MSL2: variants seen among roughly 807,000 people sequenced by gnomAD.
MSL2 encodes MSL complex subunit 2, also known as E3 ubiquitin-protein ligase MSL2.
A neutral mutation model predicts 35.8 loss-of-function variants in MSL2; 2 were observed. The observed-to-expected ratio is 0.06, with a 90% confidence interval of 0.02 to 0.18. The LOEUF (loss-of-function observed/expected upper bound fraction) is 0.18, where lower values mean the gene tolerates loss of function less well. Ranked by LOEUF, MSL2 falls within the 10% of genes least tolerant of loss-of-function variation. The pLI is 1.00. For missense variants in MSL2, 523 were observed against 706.7 expected (o/e 0.74, Z 2.95); for synonymous variants, 296 against 255.7 (o/e 1.16, Z -1.50).
rs1378756804 is a variant in MSL2, at chr3:136,152,607, C to T, written c.274G>A (p.Glu92Lys). 1 of 1,614,162 alleles carries T rather than the reference C, an allele frequency of 6.2e-7. No individual in the cohort carries two copies. The highest frequency in any genetic ancestry group is 8.5e-7 in the Non-Finnish European group (1 of 1,180,044). Reference sequence around the variant, plus strand: ...ACTAGGATGCTTAACTGCTTGTTTTCCTCAAACTGCTCATAGTCTTTGCAC... The same window carrying T: ...ACTAGGATGCTTAACTGCTTGTTTTTCTCAAACTGCTCATAGTCTTTGCAC... ...SWCKDYEQFE[E>K]NKQLSILVNC... is the part of the protein sequence containing the mutation. The change falls in exon 2 of 2, where the codon GAA becomes AAA. Residue 92 changes from glutamate to lysine, a missense_variant. By Grantham distance (56) the Glu-to-Lys change is moderately conservative (BLOSUM62 1). Around this residue, in one of 5 missense-constraint regions of MSL2, gnomAD observed 41 missense variants for 83.3 expected, o/e 0.49. Coordinates refer to ENST00000309993, the MANE Select transcript of MSL2 (RefSeq NM_018133.4).
chr3:136,180,804 G>A (rs370029321), intron 1 of MSL2, among the ~76,000 whole-genome samples: 24,670 of 51,088 alleles, frequency 0.48, 4,782 homozygotes, highest in South Asian at 0.52. Flanking sequence ...GAGGGAGGGA[G>A]GGAGGGAAGG....
At position 136,185,142 on chromosome 3, in the gene MSL2, T is replaced by C. The variant is rs543041985; in HGVS notation, c.142+9830A>G. 2.0e-5 allele frequency among the ~76,000 whole-genome samples: 3 copies of C among 152,144 alleles called. No homozygotes were observed. In the East Asian group the frequency reaches 5.8e-4, roughly 29 times the overall value. On this transcript the variant is annotated intron_variant, in intron 1 of 1. Coordinates refer to ENST00000309993, the MANE Select transcript of MSL2 (RefSeq NM_018133.4). ...GGCATGCGCCACCACACCCGGCTTA[T>C]TTTTTGTATTTTTAATAGAGACAAG...
At chr3:136,172,100 C>T (rs1297417883) in intron 1 of MSL2, among the ~76,000 whole-genome samples, 1 of 152,112 alleles carries the variant, frequency 6.6e-6, no homozygotes, top group Middle Eastern at 3.2e-3. Flanking sequence ...CGTGAGCCAC[C>T]GCACCTGGCC....
intron 1 of MSL2, among the ~76,000 whole-genome samples, chr3:136,191,912 C>T (rs1223431842): frequency 6.6e-6 from 1 of 152,182 alleles, no homozygotes; most frequent in African/African-American, 2.4e-5. Flanking sequence ...CAAATTTCAA[C>T]CTAATTGCAA....
At chr3:136,165,865 T>TAA (rs35168710) in intron 1 of MSL2, among the ~76,000 whole-genome samples, 36,144 of 151,664 alleles carry the variant, frequency 0.24, 4,531 homozygotes, top group Non-Finnish European at 0.27. Flanking sequence ...AATTTAAAGT[T>TAA]AAGAGTATAA....
rs1559969269 is a variant in MSL2, at chr3:136,180,800, G to GGAA, written c.142+14171_142+14172insTTC. On this transcript the variant is annotated intron_variant, in intron 1 of 1. Transcript: ENST00000309993. ...AGGGAGGGAGGGAGGGAGGGAGGGA[G>GGAA]GGAGGGAGGGAAGGAGGGAAGGAAG... is the stretch of plus-strand genomic sequence containing the variant. Among the ~76,000 whole-genome samples, 70 of 49,558 alleles carry GGAA rather than the reference G, an allele frequency of 1.4e-3. 2 individuals are homozygous for GGAA. The highest frequency in any genetic ancestry group is 3.1e-3 in the African/African-American group (33 of 10,666). 32.5% of individuals were successfully genotyped at this position (49,558 alleles called of 152,430 possible). A position where few individuals can be genotyped will look rare whatever the true frequency, so the allele number is the denominator to read the frequency against.
At position 136,172,269 on chromosome 3, in the gene MSL2, CCCCGA is replaced by C. The variant is rs377108395; in HGVS notation, c.143-19536_143-19532del. On this transcript the variant is annotated intron_variant, in intron 1 of 1. Coordinates refer to ENST00000309993, the MANE Select transcript of MSL2 (RefSeq NM_018133.4). ...ACCTCTCATCATACTCATACTCACTCCCCGACAACACATACACACATACAGTACCC... is the reference window on the plus strand; with the variant it reads ...ACCTCTCATCATACTCATACTCACTCCAACACATACACACATACAGTACCC... Among the ~76,000 whole-genome samples, 413 of 152,234 alleles carry C rather than the reference CCCCGA, an allele frequency of 2.7e-3. 3 individuals are homozygous for C. The highest frequency in any genetic ancestry group is 0.02 in the Middle Eastern group (6 of 294).
intron 1 of MSL2, chr3:136,156,065 C>A (rs562200848): frequency 1.6e-5 from 4 of 257,392 alleles, no homozygotes; most frequent in East Asian, 9.7e-5. Context: ...AAAAAACTAC[C>A]TTTTTCAAAA....
chr3:136,160,475 T>C (rs57091877), intron 1 of MSL2, among the ~76,000 whole-genome samples: 2,431 of 148,552 alleles, frequency 0.016, 65 homozygotes, highest in East Asian at 0.1. Context: ...CTCCCAGCAC[T>C]TCGGAAGGCC....
In MSL2 at chr3:136,152,495, A is replaced by G; in HGVS notation, c.386T>C (p.Ile129Thr). 4 of 1,614,216 alleles carry G rather than the reference A, an allele frequency of 2.5e-6. No individual in the cohort carries two copies. Among genetic ancestry groups the G allele is most frequent in the Non-Finnish European group, 3.4e-6 (4 of 1,180,030 alleles). ...TGATCCATCATTAAGCAAAGCCAAA[A>G]TATCAGAAGAACAGTCAACTGCTTC... is the stretch of plus-strand genomic sequence containing the variant. Reference protein sequence around the residue: ...IIEAVDCSSDILALLNDGSLF... With the variant: ...IIEAVDCSSDTLALLNDGSLF... Residue 129 changes from isoleucine (I) to threonine (T), a missense_variant, in exon 2 of 2, where the codon ATT becomes ACT. By Grantham distance (89) the Ile-to-Thr change is moderately conservative. Coordinates refer to ENST00000309993, the MANE Select transcript of MSL2 (RefSeq NM_018133.4).
intron 1 of MSL2, among the ~76,000 whole-genome samples, chr3:136,181,419 A>G (rs765218370): frequency 5.5e-4 from 83 of 152,200 alleles, no homozygotes; most frequent in Non-Finnish European, 9.8e-4. Context: ...TCTCATGCTC[A>G]TTTGACATCT....
At chr3:136,175,344 A>C (rs76954867) in intron 1 of MSL2, among the ~76,000 whole-genome samples, 5 of 78,542 alleles carry the variant, frequency 6.4e-5, no homozygotes, top group Non-Finnish European at 8.7e-5. Flanking sequence ...ACTCCGTCTC[A>C]AAAAAAAAAA....
At chr3:136,179,256 G>A (rs1010352832) in intron 1 of MSL2, among the ~76,000 whole-genome samples, 2 of 151,988 alleles carry the variant, frequency 1.3e-5, no homozygotes, top group African/African-American at 4.8e-5. Flanking sequence ...GCACCATCAT[G>A]GTTCAAACCA....
intron 1 of MSL2, among the ~76,000 whole-genome samples, chr3:136,181,892 C>T (rs1940375069): frequency 6.6e-6 from 1 of 151,202 alleles, no homozygotes; most frequent in Admixed American, 6.6e-5. Flanking sequence ...GCACTCCAGC[C>T]TCGGCAACAG....
At chr3:136,177,598 G>A (rs997981638) in intron 1 of MSL2, among the ~76,000 whole-genome samples, 3 of 148,480 alleles carry the variant, frequency 2.0e-5, no homozygotes, top group Admixed American at 6.9e-5. Context: ...AGAATGGCAT[G>A]AACCCAGGAG....
At chr3:136,184,880 T>C (rs1314416689) in intron 1 of MSL2, among the ~76,000 whole-genome samples, 1 of 152,032 alleles carries the variant, frequency 6.6e-6, no homozygotes, top group African/African-American at 2.4e-5. Context: ...ATGCTTCCAA[T>C]TCAATGCTTC....
At position 136,152,545 on chromosome 3, in the gene MSL2, C is replaced by A; in HGVS notation, c.336G>T (p.Gln112His). The change falls in exon 2 of 2, where the codon CAG (glutamine) becomes CAT (histidine). Residue 112 changes from glutamine (Q) to histidine (H), a missense_variant. Physicochemically the swap from Gln to His is conservative, Grantham distance 24. Coordinates refer to ENST00000309993, the MANE Select transcript of MSL2 (RefSeq NM_018133.4). ...CYKKLCEYIT[Q>H]TTLARDIIEA... Reference sequence around the variant, plus strand: ...CTATTATATCCCGTGCCAGTGTAGTCTGTGTTATATACTCGCATAGTTTTT... The same window carrying A: ...CTATTATATCCCGTGCCAGTGTAGTATGTGTTATATACTCGCATAGTTTTT... 4 of 1,614,154 alleles carry A rather than the reference C, an allele frequency of 2.5e-6. No individual in the cohort carries two copies. The highest frequency in any genetic ancestry group is 3.4e-6 in the Non-Finnish European group (4 of 1,180,028).
intron 1 of MSL2, among the ~76,000 whole-genome samples, chr3:136,172,117 T>C (rs1200337067): frequency 6.6e-6 from 1 of 152,186 alleles, no homozygotes; most frequent in Non-Finnish European, 1.5e-5. Context: ...GGCCTGTATA[T>C]TGAAATTTTC....
chr3:136,174,153 T>C (rs937174026), intron 1 of MSL2, among the ~76,000 whole-genome samples: 3 of 152,244 alleles, frequency 2.0e-5, no homozygotes, highest in African/African-American at 7.2e-5. Flanking sequence ...CTTATTTATC[T>C]CTAAATCTTT....
Sources: allele counts gnomAD v4.1 joint callset (sites outside exome capture counted in the v4.1 genomes callset), GRCh38; gene constraint gnomAD v4.1.1; regional missense constraint gnomAD v4.1.1; transcripts MANE v1.5; gene names NCBI Gene and HGNC (gene_info 2026-07-23, HGNC 2026-07-21).